The following ATP6V0A1 variants were observed in gnomAD, a reference collection of about 807,000 sequenced individuals.
ATP6V0A1 encodes V-type proton ATPase 116 kDa subunit a 1.
Under a neutral mutation model 105.4 loss-of-function variants are expected in ATP6V0A1, and 43 were observed. The observed-to-expected ratio is 0.41, with a 90% CI of 0.32 to 0.53. ATP6V0A1 has a LOEUF of 0.53. Ranked by LOEUF, ATP6V0A1 falls within the 20% of genes least tolerant of loss-of-function variation. The pLI is 0.30. For missense variants in ATP6V0A1, 676 were observed against 1,051.1 expected, an observed-to-expected ratio of 0.64 and a Z score of 4.93; for synonymous variants, 362 against 372.8, an observed-to-expected ratio of 0.97 and a Z score of 0.33.
In ATP6V0A1 at chr17:42,462,366, C is replaced by T. The variant is rs527878401; in HGVS notation, c.117+1355C>T. 2.6e-5 allele frequency among the ~76,000 whole-genome samples: 4 copies of T among 152,154 alleles called. No individual in the cohort carries two copies. The South Asian group carries it at 6.2e-4, about 24-fold the overall frequency. On this transcript the variant is annotated intron_variant, in intron 2 of 21. Coordinates refer to ENST00000343619, the MANE Select transcript of ATP6V0A1 (RefSeq NM_001130021.3). Reference sequence around the variant, plus strand: ...CCTTTCTTCCACCCCAGAGGTAACCCGTACAGTGATTTGTTTTGCTTTTAT... The same window carrying T: ...CCTTTCTTCCACCCCAGAGGTAACCTGTACAGTGATTTGTTTTGCTTTTAT...
intron 15 of ATP6V0A1, 45 bp downstream of exon 15, chr17:42,499,087 A>G (rs753045155): frequency 3.7e-6 from 5 of 1,366,784 alleles, no homozygotes; most frequent in African/African-American, 1.4e-5. Flanking sequence ...TAGTTTAGAG[A>G]ATGCTTTTGT....
intron 5 of ATP6V0A1, chr17:42,470,537 G>T (rs1372919117): frequency 5.1e-6 from 1 of 195,640 alleles, no homozygotes; most frequent in Non-Finnish European, 1.1e-5. Flanking sequence ...TATGCTTAAG[G>T]TTAAAGCTGA....
At chr17:42,459,512 C>A (rs560473338) in intron 1 of ATP6V0A1, among the ~76,000 whole-genome samples, 3 of 152,354 alleles carry the variant, frequency 2.0e-5, no homozygotes, top group African/African-American at 7.2e-5. Context: ...TTTCTGTTAG[C>A]CTCCATTGCT....
Position 42,470,174 on chromosome 17 carries a change from G to T in ATP6V0A1, c.379G>T (p.Glu127Ter). 2 of 1,612,858 alleles carry T rather than the reference G, an allele frequency of 1.2e-6. No individual in the cohort carries two copies. Among genetic ancestry groups the T allele is most frequent in the South Asian group, 1.1e-5 (1 of 90,924 alleles). Reference sequence around the variant, plus strand: ...GAAGAGAAACTTCCTGGAACTGACCGAATTAAAATTTATACTTCGCAAAAC... The same window carrying T: ...GAAGAGAAACTTCCTGGAACTGACCTAATTAAAATTTATACTTCGCAAAAC... ...ALKRNFLELT[E>*]LKFILRKTQQ... Residue 127 changes from glutamate to a stop codon, truncating the protein, a stop_gained, in exon 5 of 22, where the codon GAA (glutamate) becomes TAA (stop). Transcript: ENST00000343619. LOFTEE classifies it high-confidence loss of function.
At chr17:42,472,068 T>TC (rs398038042) in intron 5 of ATP6V0A1, among the ~76,000 whole-genome samples, 351 of 150,086 alleles carry the variant, frequency 2.3e-3, no homozygotes, top group African/African-American at 5.7e-3. Context: ...TTTTTTTTTT[T>TC]CCCGAGACAA....
intron 7 of ATP6V0A1, 70 bp from the exon 8 acceptor site, chr17:42,480,597 G>C: frequency 6.8e-7 from 1 of 1,470,738 alleles, no homozygotes; most frequent in Non-Finnish European, 9.2e-7. Context: ...CACCAAAAAA[G>C]TGGGTTATTT....
intron 4 of ATP6V0A1, among the ~76,000 whole-genome samples, chr17:42,469,748 T>C (rs377666804): frequency 3.2e-4 from 48 of 152,236 alleles, no homozygotes; most frequent in East Asian, 2.7e-3. Context: ...GTTCAAGTGA[T>C]TCTCCTGCTT....
intron 20 of ATP6V0A1, 41 bp downstream of exon 20, chr17:42,514,019 CTCTGTGGGCGCACTG>C: frequency 6.3e-7 from 1 of 1,579,372 alleles, no homozygotes; most frequent in Non-Finnish European, 8.7e-7. Context: ...TAGTTTCCCC[CTCTGTGGGCGCACTG>C]TCAGTTGGGG....
At chr17:42,466,771 A>G (rs2087124570) in intron 3 of ATP6V0A1, among the ~76,000 whole-genome samples, 1 of 152,230 alleles carries the variant, frequency 6.6e-6, no homozygotes, top group Admixed American at 6.5e-5. Context: ...TAACAAAACT[A>G]CATGATAGAA....
intron 4 of ATP6V0A1, among the ~76,000 whole-genome samples, chr17:42,468,879 G>C (rs1384772975): frequency 2.0e-5 from 3 of 151,638 alleles, no homozygotes; most frequent in Non-Finnish European, 4.4e-5. Flanking sequence ...TTGAGACATA[G>C]CTATCACCTA....
intron 5 of ATP6V0A1, among the ~76,000 whole-genome samples, chr17:42,476,480 T>C (rs1267934909): frequency 6.6e-6 from 1 of 152,238 alleles, no homozygotes; most frequent in East Asian, 1.9e-4. Flanking sequence ...ATTGTGCTTT[T>C]GAAGAGGATG....
chr17:42,464,704 A>G (rs1050589426), intron 2 of ATP6V0A1, among the ~76,000 whole-genome samples: 6 of 151,958 alleles, frequency 3.9e-5, no homozygotes, highest in East Asian at 1.9e-4. Flanking sequence ...TGCCCGGCCA[A>G]TGTGCTTGTA....
In ATP6V0A1 at chr17:42,487,305, G is replaced by A. The variant is rs1463951018; in HGVS notation, c.961G>A (p.Ala321Thr). The A allele has an allele frequency of 6.2e-7, 1 of 1,614,174 alleles. No individual in the cohort carries two copies. The highest frequency in any genetic ancestry group is 1.7e-5 in the Admixed American group (1 of 60,020). ...AGATGTGACTCAGAAATGCTTGATT[G>A]CAGAGGTCTGGTGCCCTGTCACCGA... Reference protein sequence around the residue: ...NIDVTQKCLIAEVWCPVTDLD... With the variant: ...NIDVTQKCLITEVWCPVTDLD... Residue 321 changes from alanine (A) to threonine (T), a missense_variant, in exon 10 of 22, where the codon GCA becomes ACA. Coordinates refer to ENST00000343619, the MANE Select transcript of ATP6V0A1 (RefSeq NM_001130021.3).
chr17:42,459,770 C>T (rs1172021675), intron 1 of ATP6V0A1, among the ~76,000 whole-genome samples: 1 of 152,142 alleles, frequency 6.6e-6, no homozygotes, highest in East Asian at 1.9e-4. Context: ...TATGTCTGAG[C>T]TTGTGTTACT....
intron 11 of ATP6V0A1, among the ~76,000 whole-genome samples, chr17:42,492,108 C>G (rs951199174): frequency 3.3e-5 from 5 of 152,204 alleles, no homozygotes; most frequent in African/African-American, 1.2e-4. Flanking sequence ...GTGGCTCACG[C>G]CTGTAATCCC....
intron 21 of ATP6V0A1, 84 bp downstream of exon 21, chr17:42,514,544 C>T (rs1317324261): frequency 7.4e-7 from 1 of 1,356,160 alleles, no homozygotes; most frequent in Non-Finnish European, 1.0e-6. Flanking sequence ...CCACACACAG[C>T]CCTGCAGCTC....
chr17:42,492,401 G>A (rs913872338), intron 11 of ATP6V0A1, among the ~76,000 whole-genome samples: 17 of 150,202 alleles, frequency 1.1e-4, no homozygotes, highest in African/African-American at 2.7e-4. Flanking sequence ...GTCAGGTAGC[G>A]TTCCTTTAAG....
chr17:42,477,464 A>G (rs1411146386), intron 5 of ATP6V0A1, among the ~76,000 whole-genome samples, 196 bp from the exon 6 acceptor site: 2 of 151,978 alleles, frequency 1.3e-5, no homozygotes, highest in Non-Finnish European at 1.5e-5. Flanking sequence ...TCTTTACCTC[A>G]AATTTATTTT....
At chr17:42,505,605 T>C (rs2091970409) in intron 17 of ATP6V0A1, among the ~76,000 whole-genome samples, 1 of 152,066 alleles carries the variant, frequency 6.6e-6, no homozygotes, top group African/African-American at 2.4e-5. Context: ...CCCAAAGTGC[T>C]GGGATTACAG....
Sources: allele counts gnomAD v4.1 joint callset (sites outside exome capture counted in the v4.1 genomes callset), GRCh38; gene constraint gnomAD v4.1.1; transcripts MANE v1.5; gene names NCBI Gene and HGNC (gene_info 2026-07-23, HGNC 2026-07-21).